Variants in HMMR observed in about 807,000 individuals in gnomAD.
HMMR encodes the protein intracellular hyaluronic acid-binding protein.
In HMMR, 108 loss-of-function variants were observed where a neutral mutation model predicts 101.0. The observed-to-expected ratio is 1.07, with a 90% confidence interval of 0.92 to 1.25. The LOEUF is 1.25. Ranked by LOEUF, HMMR falls within the 50% of genes most tolerant of loss-of-function variation. The pLI is 0.00. For synonymous variants in HMMR, 296 were observed against 276.4 expected, an observed-to-expected ratio of 1.07 and a Z score of -0.70; for missense variants, 813 against 788.7, an observed-to-expected ratio of 1.03 and a Z score of -0.37.
chr5:163,491,226 T>C lies in HMMR; in HGVS notation c.*62T>C, dbSNP rs1581207242. ...CTTGTTGTTATTGATGTTGCTGTTA[T>C]TATATTTGACATGGGTATTTTATAA... is the stretch of plus-strand genomic sequence containing the variant. On this transcript the variant is annotated 3_prime_UTR_variant, in exon 18 of 18. Coordinates refer to ENST00000393915, the MANE Select transcript of HMMR (RefSeq NM_001142556.2). 6.5e-6 allele frequency: 6 copies of C among 923,498 alleles called. 1 individual carries two copies. Among genetic ancestry groups the C allele is most frequent in the East Asian group, 5.4e-5 (2 of 36,990 alleles). The allele number at this position is 923,498 out of a possible 1,614,324, so 57.2% of individuals were successfully genotyped here.
intron 1 of HMMR, among the ~76,000 whole-genome samples, chr5:163,461,250 T>G (rs2113445343): frequency 6.6e-6 from 1 of 152,316 alleles, no homozygotes; most frequent in African/African-American, 2.4e-5. Flanking sequence ...TATTGACCAC[T>G]TATACCTCAA....
In HMMR at chr5:163,473,487, G is replaced by C. The variant is rs116288933; in HGVS notation, c.834G>C (p.Glu278Asp). The C allele has an allele frequency of 7.5e-4, 1,196 of 1,597,656 alleles. 7 individuals carry two copies. The African/African-American group carries it at 0.014, about 19-fold the overall frequency. The part of the protein sequence containing the change: ...EILSLKQSLE[E>D]NIVILSKQVE... The stretch of plus-strand genomic sequence containing the variant: ...TAAGCCTTAAGCAGTCTCTTGAGGA[G>C]AATATTGTTATATTATCTAAACAAG... The change falls in exon 9 of 18, where the codon GAG (glutamate) becomes GAC (aspartate). Residue 278 changes from glutamate to aspartate, a missense_variant. Physicochemically the swap from Glu to Asp is conservative, Grantham distance 45. Transcript: ENST00000393915.
chr5:163,484,972 A>G (rs1459184456), intron 16 of HMMR, among the ~76,000 whole-genome samples: 1 of 152,154 alleles, frequency 6.6e-6, no homozygotes, highest in African/African-American at 2.4e-5. Context: ...ATAGCCTAAT[A>G]ATTCATTATG....
intron 4 of HMMR, 53 bp from the exon 5 acceptor site, chr5:163,469,588 T>A (rs1758807819): frequency 1.4e-6 from 2 of 1,454,688 alleles, no homozygotes; most frequent in Non-Finnish European, 1.9e-6. Flanking sequence ...TAGCATCTCC[T>A]TATGTTGGCA....
intron 11 of HMMR, among the ~76,000 whole-genome samples, chr5:163,476,532 G>A (rs990239052): frequency 1.3e-5 from 2 of 152,172 alleles, no homozygotes; most frequent in Non-Finnish European, 2.9e-5. Context: ...CTACTCAGGA[G>A]GCTGAGATGG....
intron 1 of HMMR, among the ~76,000 whole-genome samples, chr5:163,461,656 C>T (rs1235152233): frequency 6.6e-6 from 1 of 151,750 alleles, no homozygotes; most frequent in Non-Finnish European, 1.5e-5. Flanking sequence ...CGGTGGCGGG[C>T]GCCTGTAGTC....
Position 163,490,397 on chromosome 5 carries a change from C to A in HMMR, c.1970C>A (p.Ser657Ter). ...TTATTTCTTTTTACCTAGGAAGTAT[C>A]AAAACTCCGCTGTCAGCTTGCTAAA... The part of the protein sequence containing the change: ...DENSQLKSEV[S>*]KLRCQLAKKK... Residue 657 changes from serine (S) to a stop codon, truncating the protein, a stop_gained, in exon 17 of 18, where the codon TCA becomes TAA. Coordinates refer to ENST00000393915, the MANE Select transcript of HMMR (RefSeq NM_001142556.2). LOFTEE classifies it high-confidence loss of function. 1 of 1,565,496 alleles carries A rather than the reference C, an allele frequency of 6.4e-7. No homozygotes were observed. Among genetic ancestry groups the A allele is most frequent in the South Asian group, 1.2e-5 (1 of 84,808 alleles).
chr5:163,471,688 T>C, intron 7 of HMMR, among the ~76,000 whole-genome samples: 1 of 152,220 alleles, frequency 6.6e-6, no homozygotes, highest in Non-Finnish European at 1.5e-5. Context: ...ACATCTTCTG[T>C]ATTATTAATG....
intron 1 of HMMR, 65 bp downstream of exon 1, chr5:163,460,803 C>T (rs571739448): frequency 1.4e-6 from 2 of 1,471,382 alleles, no homozygotes; most frequent in East Asian, 2.4e-5. Context: ...CTTTCAGCTC[C>T]CTTCTTGGGA....
At position 163,489,083 on chromosome 5, in the gene HMMR, C is replaced by T. The variant is rs761138964; in HGVS notation, c.1963-1307C>T. On this transcript the variant is annotated intron_variant, in intron 16 of 17. Transcript: ENST00000393915. ...ATGGTTTCAGGATTAAAGTGTTCCA[C>T]CTCAGATCATGAGGCATTAGATTCT... is the stretch of plus-strand genomic sequence containing the variant. Among the ~76,000 whole-genome samples the T allele has an allele frequency of 2.4e-4, 37 of 152,328 alleles. No individual in the cohort carries two copies. In the South Asian group the frequency reaches 3.7e-3, roughly 15 times the overall value.
intron 2 of HMMR, among the ~76,000 whole-genome samples, chr5:163,464,181 T>C (rs1758628069): frequency 6.6e-6 from 1 of 152,226 alleles, no homozygotes; most frequent in African/African-American, 2.4e-5. Context: ...GATATGTAGC[T>C]TCCCTTTTGG....
chr5:163,473,928 C>T (rs952723922), intron 9 of HMMR, 129 bp from the exon 10 acceptor site: 6 of 720,910 alleles, frequency 8.3e-6, no homozygotes, highest in Non-Finnish European at 1.4e-5. Context: ...ATACAAAGTT[C>T]ACAGTTTTGT....
At chr5:163,484,978 T>G (rs1293879050) in intron 16 of HMMR, among the ~76,000 whole-genome samples, 1 of 152,228 alleles carries the variant, frequency 6.6e-6, no homozygotes, top group African/African-American at 2.4e-5. Flanking sequence ...TAATAATTCA[T>G]TATGTGGGTA....
rs867451007 is a variant in HMMR at position 163,482,758 on chromosome 5, C to T, written c.1502C>T (p.Ala501Val). 1.2e-6 allele frequency: 2 copies of T among 1,613,740 alleles called. No individual in the cohort carries two copies. The highest frequency in any genetic ancestry group is 1.7e-6 in the Non-Finnish European group (2 of 1,179,724). Reference protein sequence around the residue: ...NAEDVQHQILATESSNQEYVR... With the variant: ...NAEDVQHQILVTESSNQEYVR... ...GAGGATGTTCAGCATCAGATTTTGGCAACTGAGAGCTCAAATCAAGAATAT... is the reference window on the plus strand; with the variant it reads ...GAGGATGTTCAGCATCAGATTTTGGTAACTGAGAGCTCAAATCAAGAATAT... Residue 501 changes from alanine to valine, a missense_variant, in exon 13 of 18, where the codon GCA becomes GTA. Transcript: ENST00000393915.
intron 16 of HMMR, among the ~76,000 whole-genome samples, chr5:163,487,561 T>C (rs188240944): frequency 6.6e-6 from 1 of 152,292 alleles, no homozygotes; most frequent in East Asian, 1.9e-4. Context: ...TGGTTTTTCT[T>C]GTGAATATTT....
intron 3 of HMMR, chr5:163,465,055 T>G: frequency 2.5e-6 from 1 of 405,598 alleles, no homozygotes; most frequent in Admixed American, 4.3e-5. Context: ...AAATTGTTCA[T>G]TACCTAGTAA....
In HMMR at chr5:163,474,179, A is replaced by G; in HGVS notation, c.1027A>G (p.Ile343Val). 1 of 1,608,680 alleles carries G rather than the reference A, an allele frequency of 6.2e-7. No individual in the cohort carries two copies. Among genetic ancestry groups the G allele is most frequent in the Non-Finnish European group, 8.5e-7 (1 of 1,177,698 alleles). Residue 343 changes from isoleucine (I) to valine (V), a missense_variant, in exon 10 of 18, where the codon ATT becomes GTT. Physicochemically the swap from Ile to Val is conservative, Grantham distance 29. Coordinates refer to ENST00000393915, the MANE Select transcript of HMMR (RefSeq NM_001142556.2). ...AAAGCTTCAACAAAAAGAATTACAA[A>G]TTGATTCACTTCTGCAACAAGAGAA... is the stretch of plus-strand genomic sequence containing the variant. The part of the protein sequence containing the change: ...REKLQQKELQ[I>V]DSLLQQEKEL...
rs145382266 is a variant in HMMR at position 163,487,762 on chromosome 5, C to T, written c.1963-2628C>T. 3.2e-3 allele frequency among the ~76,000 whole-genome samples: 477 copies of T among 148,906 alleles called. 5 individuals are homozygous for T. Among genetic ancestry groups the T allele is most frequent in the African/African-American group, 0.011 (452 of 40,542 alleles). Reference sequence around the variant, plus strand: ...TGTAAGGTCAGTAGTAATGGCTTCTCTTTATTTCTGATTCTAGTAATTTGA... The same window carrying T: ...TGTAAGGTCAGTAGTAATGGCTTCTTTTTATTTCTGATTCTAGTAATTTGA... On this transcript the variant is annotated intron_variant, in intron 16 of 17. Transcript: ENST00000393915.
intron 3 of HMMR, among the ~76,000 whole-genome samples, chr5:163,466,290 A>T (rs1251609860): frequency 1.3e-5 from 2 of 152,190 alleles, no homozygotes; most frequent in African/African-American, 4.8e-5. Flanking sequence ...AAAGTAAAAA[A>T]GTTGTACAAA....
Sources: gnomAD v4.1 joint callset for allele counts (sites outside exome capture counted in the v4.1 genomes callset) on GRCh38, gnomAD v4.1.1 for gene constraint, MANE v1.5 for transcripts, NCBI Gene and HGNC (gene_info 2026-07-23, HGNC 2026-07-21) for gene names.